NEB: variants seen among roughly 807,000 people sequenced by gnomAD.
NEB encodes nebulin.
A neutral mutation model predicts 952.2 loss-of-function variants in NEB; 512 were observed. That is an observed-to-expected ratio of 0.54 (90% CI 0.50 to 0.58). The LOEUF (loss-of-function observed/expected upper bound fraction) is 0.58. Ranked by LOEUF, NEB falls within the 20% of genes least tolerant of loss-of-function variation. NEB has a pLI of 0.00. For synonymous variants in NEB, 2,900 were observed against 3,149.8 expected (o/e 0.92, Z 2.66); for missense variants, 8,428 against 9,231.1 (o/e 0.91, Z 3.56).
intron 28 of NEB, 121 bp from the exon 29 acceptor site, chr2:151,682,890 T>C: frequency 1.3e-6 from 1 of 776,290 alleles, no homozygotes; most frequent in Non-Finnish European, 2.0e-6. Flanking sequence ...ACTCCAGACA[T>C]TAAGGTTATT....
chr2:151,654,612 C>T (rs2099066926), intron 51 of NEB, among the ~76,000 whole-genome samples: 1 of 152,098 alleles, frequency 6.6e-6, no homozygotes, highest in South Asian at 2.1e-4. Context: ...TGGGTAATAA[C>T]AAAAATAGCT....
intron 63 of NEB, among the ~76,000 whole-genome samples, chr2:151,636,623 T>C (rs1395176358): frequency 6.6e-6 from 1 of 151,482 alleles, no homozygotes; most frequent in East Asian, 1.9e-4. Flanking sequence ...CTACTAAATA[T>C]AAAAAAAATT....
In NEB at chr2:151,576,251, T is replaced by A; in HGVS notation, c.16808A>T (p.Asp5603Val). The change falls in exon 106 of 182, where the codon GAC (aspartate) becomes GTC (valine). Residue 5603 changes from aspartate (D) to valine (V), a missense_variant. Around this residue, in one of 11 missense-constraint regions of NEB, gnomAD observed 3,374 missense variants for 3,651.5 expected, o/e 0.92. Coordinates refer to ENST00000397345, the MANE Select transcript of NEB (RefSeq NM_001164508.2). ...CACCACAGGCGTCCGATAGACACTGTCACAAAAGATATTCTGGGCGTTTTT... is the reference window on the plus strand; with the variant it reads ...CACCACAGGCGTCCGATAGACACTGACACAAAAGATATTCTGGGCGTTTTT... ...RVKNAQNIFC[D>V]SVYRTPVVNL... 2.5e-6 allele frequency: 4 copies of A among 1,611,260 alleles called. No homozygotes were observed. Among genetic ancestry groups the A allele is most frequent in the Non-Finnish European group, 3.4e-6 (4 of 1,178,148 alleles).
At position 151,562,292 on chromosome 2, in the gene NEB, T is replaced by C. The variant is rs2288207; in HGVS notation, c.18892-78A>G. 3,217 of 1,239,814 alleles carry C rather than the reference T, an allele frequency of 2.6e-3. 45 individuals are homozygous for C. In the East Asian group the frequency reaches 0.033, roughly 13 times the overall value. The allele number at this position is 1,239,814 out of a possible 1,614,324, so 76.8% of individuals were successfully genotyped here. A position where few individuals can be genotyped will look rare whatever the true frequency, so the allele number is the denominator to read the frequency against. On this transcript the variant is annotated intron_variant, in intron 120 of 181. Coordinates refer to ENST00000397345, the MANE Select transcript of NEB (RefSeq NM_001164508.2). ...GAGCATTTGATAATTTCCTATCAGC[T>C]GTTGGCTGTGCTTATTGCTTAGAAG...
intron 64 of NEB, among the ~76,000 whole-genome samples, chr2:151,634,286 G>A (rs2098717229): frequency 6.6e-6 from 1 of 152,126 alleles, no homozygotes; most frequent in Non-Finnish European, 1.5e-5. Flanking sequence ...CTGTAGAATT[G>A]GATTCTATAC....
At chr2:151,625,666 T>G in intron 70 of NEB, 28 bp from the exon 71 acceptor site, 2 of 1,471,150 alleles carry the variant, frequency 1.4e-6, no homozygotes, top group Non-Finnish European at 1.8e-6. Flanking sequence ...GTTAATGAAT[T>G]AGAAAAACAG....
At position 151,496,318 on chromosome 2, in the gene NEB, G is replaced by A. The variant is rs767654655; in HGVS notation, c.24444C>T (p.Pro8148=). 47 of 1,611,974 alleles carry A rather than the reference G, an allele frequency of 2.9e-5. No individual in the cohort carries two copies. Among genetic ancestry groups the A allele is most frequent in the Non-Finnish European group, 3.1e-5 (37 of 1,178,904 alleles). ...GATTGTGTTTGACTCGCTCCATCTCGGGAGTGACAGCTAAAGGAGTTCCCT... is the reference window on the plus strand; with the variant it reads ...GATTGTGTTTGACTCGCTCCATCTCAGGAGTGACAGCTAAAGGAGTTCCCT... ...MGKGTPLAVT[P]EMERVKHNQE... is the part of the protein sequence containing the mutation. Residue 8148 remains proline, a synonymous_variant, in exon 173 of 182, where the codon CCC becomes CCT. Transcript: ENST00000397345.
At chr2:151,514,266 CAAAG>C (rs1316960059) in intron 159 of NEB, 48 bp downstream of exon 159, 14 of 1,302,474 alleles carry the variant, frequency 1.1e-5, no homozygotes, top group Non-Finnish European at 1.4e-5. Context: ...ATTTGGCTAA[CAAAG>C]AAATGATGCT....
At chr2:151,499,469 T>C in intron 168 of NEB, 79 bp from the exon 169 acceptor site, 1 of 752,450 alleles carries the variant, frequency 1.3e-6, no homozygotes, top group South Asian at 1.5e-5. Flanking sequence ...GGGAACCTGG[T>C]ATAAAACTAC....
At position 151,675,329 on chromosome 2, in the gene NEB, A is replaced by G; in HGVS notation, c.3837T>C (p.Pro1279=). 1 of 1,595,714 alleles carries G rather than the reference A, an allele frequency of 6.3e-7. No homozygotes were observed. The highest frequency in any genetic ancestry group is 1.1e-5 in the South Asian group (1 of 87,772). Residue 1279 remains proline, a synonymous_variant, in exon 35 of 182, where the codon CCT becomes CCC. Transcript: ENST00000397345. ...KHKYTMSPDL[P]QFLQAKCNAY... is the part of the protein sequence containing the mutation. ...CATTGCACTTGGCCTGGAGAAACTG[A>G]GGAAGATCAGGACTCATGGTGTATT...
At position 151,519,694 on chromosome 2, in the gene NEB, G is replaced by A; in HGVS notation, c.22554C>T (p.Tyr7518=). 6.2e-7 allele frequency: 1 copy of A among 1,612,898 alleles called. No individual in the cohort carries two copies. The highest frequency in any genetic ancestry group is 8.5e-7 in the Non-Finnish European group (1 of 1,179,178). Residue 7518 remains tyrosine (Y), a synonymous_variant, in exon 154 of 182, where the codon TAC becomes TAT. Transcript: ENST00000397345. The stretch of plus-strand genomic sequence containing the variant: ...GATTATTAGCATCTTTCATGACTTT[G>A]TAGAGCTGGCTGTCTTTTGGATTGT... The part of the protein sequence containing the change: ...PKYNPKDSQL[Y]KVMKDANNLA...
At position 151,709,751 on chromosome 2, in the gene NEB, C is replaced by T. The variant is rs1443058728; in HGVS notation, c.940G>A (p.Glu314Lys). Residue 314 changes from glutamate (E) to lysine (K), a missense_variant, in exon 12 of 182, where the codon GAA becomes AAA. Physicochemically the swap from Glu to Lys is moderately conservative, Grantham distance 56 (BLOSUM62 1). Coordinates refer to ENST00000397345, the MANE Select transcript of NEB (RefSeq NM_001164508.2). ...TGGTCTTTCATGTTTTCAAAATCTT[C>T]CTGGTATTTCCTCTGTAAGACATCA... The part of the protein sequence containing the change: ...ADNISTRKYQ[E>K]DFENMKDQIY... 6 of 1,595,584 alleles carry T rather than the reference C, an allele frequency of 3.8e-6. No homozygotes were observed. The highest frequency in any genetic ancestry group is 5.1e-6 in the Non-Finnish European group (6 of 1,169,378).
chr2:151,620,580 T>G (rs2098394486), intron 72 of NEB, among the ~76,000 whole-genome samples: 1 of 151,964 alleles, frequency 6.6e-6, no homozygotes, highest in Non-Finnish European at 1.5e-5. Context: ...GCAAACTCAG[T>G]TAAGCCTGCT....
At chr2:151,517,723 A>G (rs1025926934) in intron 156 of NEB, among the ~76,000 whole-genome samples, 1 of 152,202 alleles carries the variant, frequency 6.6e-6, no homozygotes, top group Non-Finnish European at 1.5e-5. Flanking sequence ...TTGTAACACA[A>G]GAGTATTTGT....
intron 28 of NEB, among the ~76,000 whole-genome samples, 158 bp downstream of exon 28, chr2:151,684,620 T>C (rs7564674): frequency 0.68 from 103,234 of 152,150 alleles, 38,664 homozygotes; most frequent in Non-Finnish European, 0.83. Flanking sequence ...CTTCCTAACC[T>C]TGAAGGGCAT....
intron 54 of NEB, 103 bp downstream of exon 54, chr2:151,650,073 T>A: frequency 9.7e-7 from 1 of 1,033,012 alleles, no homozygotes; most frequent in Non-Finnish European, 1.5e-6. Flanking sequence ...TGGTGATGTA[T>A]GAGGCAATGC....
Position 151,650,863 on chromosome 2 carries a change from C to T in NEB, c.6938G>A (p.Arg2313Gln), listed in dbSNP as rs753256671. 15 of 1,612,352 alleles carry T rather than the reference C, an allele frequency of 9.3e-6. No homozygotes were observed. The highest frequency in any genetic ancestry group is 5.5e-5 in the South Asian group (5 of 90,854). Reference protein sequence around the residue: ...ASDYKYKQGYRKQLGHHVGFR... With the variant: ...ASDYKYKQGYQKQLGHHVGFR... The stretch of plus-strand genomic sequence containing the variant: ...TCCAACATGGTGGCCAAGTTGCTTT[C>T]GGTAGCCTTGTTTGTATTTATACTG... Residue 2313 changes from arginine (R) to glutamine (Q), a missense_variant, in exon 53 of 182, where the codon CGA (arginine) becomes CAA (glutamine). Arg to Gln is a conservative substitution (Grantham distance 43). Coordinates refer to ENST00000397345, the MANE Select transcript of NEB (RefSeq NM_001164508.2).
chr2:151,708,963 T>C (rs13384856), intron 12 of NEB, among the ~76,000 whole-genome samples: 15,048 of 152,282 alleles, frequency 0.099, 957 homozygotes, highest in African/African-American at 0.18. Context: ...GATGCTGTAA[T>C]AGCCTTCTAA....
chr2:151,629,406 CTTTGAA>C (rs2098608652), intron 68 of NEB, 127 bp downstream of exon 68: 1 of 789,710 alleles, frequency 1.3e-6, no homozygotes. Context: ...AAATGAAAAA[CTTTGAA>C]TTTGAATTTG....
Sources: gnomAD v4.1 joint callset for allele counts (sites outside exome capture counted in the v4.1 genomes callset) on GRCh38, gnomAD v4.1.1 for gene constraint, gnomAD v4.1.1 regional missense constraint, MANE v1.5 for transcripts, NCBI Gene and HGNC (gene_info 2026-07-23, HGNC 2026-07-21) for gene names.